Variants in ALG1L2 observed in about 807,000 individuals in gnomAD.
ALG1L2 encodes the protein ALG1 chitobiosyldiphosphodolichol beta-mannosyltransferase like 2.
ALG1L2 carries 32 observed loss-of-function variants against 29.0 expected under a neutral mutation model. That is an observed-to-expected ratio of 1.10 (90% confidence interval 0.83 to 1.48). The LOEUF (loss-of-function observed/expected upper bound fraction) is 1.48, where lower values mean the gene tolerates loss of function less well. Ranked by LOEUF, ALG1L2 falls within the 40% of genes most tolerant of loss-of-function variation. The pLI, the probability that ALG1L2 is intolerant of heterozygous loss-of-function variation, is 0.00. For synonymous variants in ALG1L2, 110 were observed against 109.5 expected (o/e 1.00, Z -0.03); for missense variants, 318 against 274.1 (o/e 1.16, Z -1.13).
intron 1 of ALG1L2, among the ~76,000 whole-genome samples, chr3:130,084,299 C>CCCAACA (rs376123466): frequency 6.9e-6 from 1 of 145,714 alleles, no homozygotes; most frequent in African/African-American, 2.5e-5. Flanking sequence ...TTCCCCCCCT[C>CCCAACA]AAAAAAAATT....
intron 1 of ALG1L2, chr3:130,089,488 C>CAAAAAAAAAAAAAAAAAAAAAA (rs143039942): frequency 9.9e-6 from 1 of 100,732 alleles, no homozygotes; most frequent in African/African-American, 3.9e-5. Context: ...CCTTCATAAT[C>CAAAAAAAAAAAAAAAAAAAAAA]AAAAAAAGAA....
At chr3:130,095,825 A>T (rs1935117226) in intron 5 of ALG1L2, among the ~76,000 whole-genome samples, 1 of 152,166 alleles carries the variant, frequency 6.6e-6, no homozygotes, top group Admixed American at 6.5e-5. Flanking sequence ...AAAACAACAA[A>T]AAAATCAAAT....
intron 1 of ALG1L2, chr3:130,091,036 G>A (rs1234870327): frequency 5.5e-6 from 3 of 542,312 alleles, no homozygotes; most frequent in East Asian, 6.4e-5. Context: ...TGCAATCCAT[G>A]TTGTGTATTG....
chr3:130,095,913 G>A, intron 5 of ALG1L2, 136 bp from the exon 6 acceptor site: 1 of 876,716 alleles, frequency 1.1e-6, no homozygotes, highest in East Asian at 2.7e-5. Flanking sequence ...GCCAGCTTAA[G>A]CCACTTGTGG....
intron 1 of ALG1L2, among the ~76,000 whole-genome samples, chr3:130,087,884 T>A (rs940034268): frequency 1.4e-5 from 1 of 71,758 alleles, no homozygotes; most frequent in African/African-American, 3.6e-5. Flanking sequence ...AGATTCATAG[T>A]CAGTTAGCTG....
intron 5 of ALG1L2, among the ~76,000 whole-genome samples, chr3:130,094,759 C>G (rs1935094298): frequency 6.6e-6 from 1 of 152,200 alleles, no homozygotes; most frequent in Non-Finnish European, 1.5e-5. Flanking sequence ...CCACGCCCTC[C>G]ATTCAGTCCT....
chr3:130,088,558 C>T (rs549896252), intron 1 of ALG1L2, among the ~76,000 whole-genome samples: 14 of 152,290 alleles, frequency 9.2e-5, no homozygotes, highest in Non-Finnish European at 1.8e-4. Flanking sequence ...TCTGGGACAA[C>T]AGGCATGAGC....
chr3:130,088,909 A>G (rs1203628495), intron 1 of ALG1L2, among the ~76,000 whole-genome samples: 2 of 152,298 alleles, frequency 1.3e-5, no homozygotes, highest in Non-Finnish European at 2.9e-5. Context: ...TTATTAGCAG[A>G]GTGAGAATGG....
chr3:130,084,947 A>G (rs1430106211), intron 1 of ALG1L2, among the ~76,000 whole-genome samples: 5 of 91,792 alleles, frequency 5.4e-5, no homozygotes, highest in Admixed American at 1.1e-4. Flanking sequence ...GATATATATA[A>G]TTTTATTTAT....
At chr3:130,084,975 T>TATTTATTTATTTA (rs551363928) in intron 1 of ALG1L2, among the ~76,000 whole-genome samples, 3 of 74,828 alleles carry the variant, frequency 4.0e-5, no homozygotes. Flanking sequence ...TTTATTTATT[T>TATTTATTTATTTA]TGAGACAGAA....
intron 1 of ALG1L2, chr3:130,090,611 C>A (rs1056108805): frequency 6.6e-6 from 1 of 152,474 alleles, no homozygotes; most frequent in Admixed American, 6.5e-5. Flanking sequence ...GCCTTTTTAA[C>A]CCAGTCTGTG....
intron 1 of ALG1L2, among the ~76,000 whole-genome samples, chr3:130,085,747 A>G (rs1934876074): frequency 1.3e-5 from 2 of 151,130 alleles, no homozygotes; most frequent in African/African-American, 2.4e-5. Context: ...ACCTTTATGA[A>G]TAAGACGACC....
chr3:130,094,118 T>A (rs1421005920), intron 4 of ALG1L2: 13 of 459,214 alleles, frequency 2.8e-5, no homozygotes, highest in Non-Finnish European at 4.4e-5. Context: ...GCCCACCCAG[T>A]GGGTGGTCGC....
In ALG1L2 at chr3:130,091,350, C is replaced by G. The variant is rs568221197; in HGVS notation, c.110C>G (p.Thr37Arg). ...CGGCTCTTCATGAAGCTGGGCAGCA[C>G]GCACTCTCCGTTCAGGGCCCGGTAG... Reference protein sequence around the residue: ...QHRLFMKLGSTHSPFRARSEP... With the variant: ...QHRLFMKLGSRHSPFRARSEP... Residue 37 changes from threonine (T) to arginine (R), a missense_variant, in exon 2 of 8, where the codon ACG (threonine) becomes AGG (arginine). Physicochemically the swap from Thr to Arg is moderately conservative, Grantham distance 71. Transcript: ENST00000425059. 5.3e-5 allele frequency: 84 copies of G among 1,597,344 alleles called. No individual in the cohort carries two copies. Among genetic ancestry groups the G allele is most frequent in the Middle Eastern group, 4.5e-4 (2 of 4,430 alleles).
chr3:130,082,407 G>T (rs796167688), intron 1 of ALG1L2, among the ~76,000 whole-genome samples: 1 of 103,798 alleles, frequency 9.6e-6, no homozygotes. Context: ...GCACCATCTC[G>T]GCTTACTGCG....
At chr3:130,097,951 C>T (rs189028684) in intron 7 of ALG1L2, among the ~76,000 whole-genome samples, 7 of 152,310 alleles carry the variant, frequency 4.6e-5, no homozygotes, top group East Asian at 1.9e-4. Flanking sequence ...GGCCAGAGGC[C>T]GAGAGGAGGG....
At position 130,092,270 on chromosome 3, in the gene ALG1L2, G is replaced by A. The variant is rs113511154; in HGVS notation, c.253+48G>A. 31 of 1,590,980 alleles carry A rather than the reference G, an allele frequency of 1.9e-5. No homozygotes were observed. In the African/African-American group the frequency reaches 3.0e-4, roughly 15 times the overall value. On this transcript the variant is annotated intron_variant, in intron 3 of 7. Transcript: ENST00000425059. ...TTGGGGTTGGTGTGAAGGGCACCTG[G>A]CCAACCTGTATTCTCCTCACCCCTG...
chr3:130,093,269 G>T (rs778521641), intron 4 of ALG1L2, 109 bp downstream of exon 4: 70 of 1,311,966 alleles, frequency 5.3e-5, no homozygotes, highest in Non-Finnish European at 7.3e-5. Context: ...AATCCTCACT[G>T]CAGCTCTCTG....
intron 6 of ALG1L2, among the ~76,000 whole-genome samples, chr3:130,096,502 G>A (rs1462442002): frequency 6.6e-6 from 1 of 151,786 alleles, no homozygotes; most frequent in Non-Finnish European, 1.5e-5. Flanking sequence ...TCCTAGAGTA[G>A]AATTGGCGGG....
Sources: gnomAD v4.1 joint callset for allele counts (sites outside exome capture counted in the v4.1 genomes callset) on GRCh38, gnomAD v4.1.1 for gene constraint, MANE v1.5 for transcripts, NCBI Gene and HGNC (gene_info 2026-07-23, HGNC 2026-07-21) for gene names.